The following FHIT variants were observed in gnomAD, a reference collection of about 807,000 sequenced individuals.
FHIT encodes the protein fragile histidine triad diadenosine triphosphatase.
A neutral mutation model predicts 17.9 loss-of-function variants in FHIT; 19 were observed. The observed-to-expected ratio is 1.06, with a 90% CI of 0.74 to 1.56. The LOEUF (loss-of-function observed/expected upper bound fraction) is 1.56. Among genes scored for constraint, FHIT ranks in the 40% most tolerant of loss-of-function variants. The probability of loss-of-function intolerance (pLI) is 0.00; values close to 1 mark genes in which losing one functional copy is unlikely to be tolerated. For missense variants in FHIT, 248 were observed against 189.2 expected (o/e 1.31, Z -1.82); for synonymous variants, 81 against 69.7 (o/e 1.16, Z -0.81).
chr3:60,099,009 T>A (rs1474845836), intron 5 of FHIT, among the ~76,000 whole-genome samples: 1 of 152,174 alleles, frequency 6.6e-6, no homozygotes, highest in South Asian at 2.1e-4. Flanking sequence ...AATGATATAG[T>A]AGAGTGCTTA....
At chr3:60,165,235 G>A (rs532915377) in intron 5 of FHIT, among the ~76,000 whole-genome samples, 5 of 152,196 alleles carry the variant, frequency 3.3e-5, no homozygotes, top group Non-Finnish European at 7.3e-5. Flanking sequence ...CACACGCAGA[G>A]TAGATGCTCA....
chr3:60,100,637 A>C (rs1704153661), intron 5 of FHIT, among the ~76,000 whole-genome samples: 1 of 152,128 alleles, frequency 6.6e-6, no homozygotes, highest in African/African-American at 2.4e-5. Flanking sequence ...AAAACACCAC[A>C]AATCACTGGG....
intron 8 of FHIT, among the ~76,000 whole-genome samples, chr3:59,837,709 T>C (rs965331011): frequency 2.0e-5 from 3 of 152,200 alleles, no homozygotes; most frequent in African/African-American, 7.2e-5. Context: ...AGGAGCACTA[T>C]AGCACAGTGG....
intron 5 of FHIT, among the ~76,000 whole-genome samples, chr3:60,174,036 C>T (rs1431032401): frequency 6.7e-6 from 1 of 149,718 alleles, no homozygotes; most frequent in African/African-American, 2.5e-5. Context: ...GCTTCAGCCT[C>T]CCGAGTAGCT....
chr3:60,696,713 G>A (rs2041120912), intron 4 of FHIT, among the ~76,000 whole-genome samples: 2 of 152,216 alleles, frequency 1.3e-5, no homozygotes, highest in Non-Finnish European at 2.9e-5. Context: ...AGATAAAAGG[G>A]AATGTTCCTT....
chr3:60,888,964 T>C (rs1221070323), intron 3 of FHIT, among the ~76,000 whole-genome samples: 2 of 152,198 alleles, frequency 1.3e-5, no homozygotes, highest in Non-Finnish European at 2.9e-5. Flanking sequence ...AGAATAAATA[T>C]GCCAGTATGT....
intron 8 of FHIT, among the ~76,000 whole-genome samples, chr3:59,893,149 G>C (rs75401515): frequency 0.048 from 7,271 of 152,202 alleles, 209 homozygotes; most frequent in Non-Finnish European, 0.067. Flanking sequence ...TTTGGCATTG[G>C]TCCACTTGTT....
In FHIT at chr3:60,477,762, G is replaced by A. The variant is rs1301066520; in HGVS notation, c.103+59098C>T. Among the ~76,000 whole-genome samples, 5 of 152,280 alleles carry A rather than the reference G, an allele frequency of 3.3e-5. No individual in the cohort carries two copies. In the South Asian group the frequency reaches 8.3e-4, roughly 25 times the overall value. On this transcript the variant is annotated intron_variant, in intron 5 of 9. Coordinates refer to ENST00000492590, the MANE Select transcript of FHIT (RefSeq NM_002012.4). ...GCATTTGTCTCAGGAATCAGGTAGA[G>A]ACCATAGTAAACATTTTTATCTTGG...
intron 4 of FHIT, among the ~76,000 whole-genome samples, chr3:60,615,874 G>A (rs577979548): frequency 2.0e-5 from 3 of 152,282 alleles, no homozygotes; most frequent in East Asian, 1.9e-4. Flanking sequence ...TGGATGGTTC[G>A]AGTGAAGTTT....
intron 5 of FHIT, among the ~76,000 whole-genome samples, chr3:60,430,778 A>G (rs1702859126): frequency 6.6e-6 from 1 of 152,002 alleles, no homozygotes; most frequent in African/African-American, 2.4e-5. Context: ...GGTTCGATGT[A>G]CTCTACTAAT....
intron 4 of FHIT, among the ~76,000 whole-genome samples, chr3:60,711,052 G>T (rs372758237): frequency 1.3e-5 from 2 of 152,086 alleles, no homozygotes; most frequent in African/African-American, 4.8e-5. Context: ...CACCTCACAC[G>T]GCTGGGTACT....
At chr3:60,007,024 T>C (rs1226848449) in intron 7 of FHIT, among the ~76,000 whole-genome samples, 1 of 152,310 alleles carries the variant, frequency 6.6e-6, no homozygotes, top group African/African-American at 2.4e-5. Flanking sequence ...GCGTTAATAC[T>C]ATAAAATTAA....
At chr3:60,361,782 C>T (rs1343642126) in intron 5 of FHIT, among the ~76,000 whole-genome samples, 1 of 152,174 alleles carries the variant, frequency 6.6e-6, no homozygotes, top group East Asian at 1.9e-4. Flanking sequence ...CATATCTCTC[C>T]TGACTCGTAC....
intron 7 of FHIT, among the ~76,000 whole-genome samples, chr3:59,951,232 G>T (rs1030104897): frequency 1.3e-5 from 2 of 152,098 alleles, no homozygotes; most frequent in Non-Finnish European, 2.9e-5. Context: ...CCTTCCTAGG[G>T]ACCACCATGA....
chr3:60,807,612 TC>T (rs139784794), intron 4 of FHIT, among the ~76,000 whole-genome samples: 1 of 151,996 alleles, frequency 6.6e-6, no homozygotes, highest in East Asian at 1.9e-4. Flanking sequence ...ATAAAATATT[TC>T]CTGACCAGTT....
chr3:59,944,256 G>A (rs1421135817), intron 7 of FHIT, among the ~76,000 whole-genome samples: 2 of 152,144 alleles, frequency 1.3e-5, no homozygotes, highest in African/African-American at 4.8e-5. Flanking sequence ...TTGGTACAAT[G>A]CGTGTGTATA....
chr3:61,099,924 A>G (rs2035764692), intron 2 of FHIT, among the ~76,000 whole-genome samples: 2 of 152,100 alleles, frequency 1.3e-5, no homozygotes, highest in South Asian at 4.2e-4. Context: ...CAAGTATTAA[A>G]TTTTACACCA....
intron 4 of FHIT, among the ~76,000 whole-genome samples, chr3:60,746,341 G>C (rs1343194561): frequency 6.6e-6 from 1 of 152,228 alleles, no homozygotes; most frequent in African/African-American, 2.4e-5. Flanking sequence ...AATTGAAGGA[G>C]GTGGGGTGGG....
chr3:60,340,882 G>T (rs1200866367), intron 5 of FHIT, among the ~76,000 whole-genome samples: 1 of 152,040 alleles, frequency 6.6e-6, no homozygotes, highest in Non-Finnish European at 1.5e-5. Context: ...AGTAGAGATG[G>T]GGTTTCACTA....
Sources: allele counts gnomAD v4.1 joint callset (sites outside exome capture counted in the v4.1 genomes callset), GRCh38; gene constraint gnomAD v4.1.1; transcripts MANE v1.5; gene names NCBI Gene and HGNC (gene_info 2026-07-23, HGNC 2026-07-21).